RNF128: variants seen among roughly 807,000 people sequenced by gnomAD.
RNF128 encodes E3 ubiquitin-protein ligase RNF128.
In RNF128, 13 loss-of-function variants were observed where a neutral mutation model predicts 26.2. That is an observed-to-expected ratio of 0.50 (90% CI 0.32 to 0.79). RNF128 has a LOEUF of 0.79. Among genes scored for constraint, RNF128 ranks in the 30% least tolerant of loss-of-function variants. The probability of loss-of-function intolerance (pLI) is 0.03; values close to 1 mark genes in which losing one functional copy is unlikely to be tolerated. For synonymous variants in RNF128, 149 were observed against 142.5 expected, an observed-to-expected ratio of 1.05 and a Z score of -0.32; for missense variants, 315 against 349.7, an observed-to-expected ratio of 0.90 and a Z score of 0.79.
intron 1 of RNF128, among the ~76,000 whole-genome samples, chrX:106,698,231 T>C (rs1191018144): frequency 1.8e-5 from 2 of 108,415 alleles, no homozygotes; most frequent in Non-Finnish European, 3.8e-5. Context: ...GTAAAATGTC[T>C]TAAGAAATGC....
chrX:106,767,342 A>G (rs780634322), intron 1 of RNF128, among the ~76,000 whole-genome samples: 6 of 112,187 alleles, frequency 5.3e-5, no homozygotes, highest in Admixed American at 3.8e-4. Flanking sequence ...CTTCCTATCC[A>G]TGAACACGGA....
At chrX:106,737,037 A>G (rs1310718367) in intron 1 of RNF128, among the ~76,000 whole-genome samples, 1 of 111,179 alleles carries the variant, frequency 9.0e-6, no homozygotes, top group Non-Finnish European at 1.9e-5. Flanking sequence ...TTTCTGTGTC[A>G]TGTTGACCAA....
At chrX:106,765,822 TAA>T (rs1569442549) in intron 1 of RNF128, among the ~76,000 whole-genome samples, 12 of 110,950 alleles carry the variant, frequency 1.1e-4, no homozygotes, top group Non-Finnish European at 2.1e-4. Flanking sequence ...ACCCATTAAC[TAA>T]CTCGTCATTT....
intron 1 of RNF128, among the ~76,000 whole-genome samples, chrX:106,737,842 T>G (rs935234690): frequency 7.1e-5 from 8 of 112,107 alleles, no homozygotes; most frequent in Admixed American, 2.9e-4. Context: ...CAGTTCATTT[T>G]GGCAAAAGGG....
At chrX:106,706,248 A>T (rs1929041337) in intron 1 of RNF128, among the ~76,000 whole-genome samples, 1 of 111,666 alleles carries the variant, frequency 9.0e-6, no homozygotes, top group Admixed American at 9.5e-5. Context: ...GTTCTGGCTG[A>T]CAATTGGATT....
At chrX:106,778,618 C>T (rs2147697975) in intron 2 of RNF128, among the ~76,000 whole-genome samples, 1 of 111,737 alleles carries the variant, frequency 8.9e-6, no homozygotes, top group East Asian at 2.8e-4. Context: ...TTGTTGGGGT[C>T]CTCAGTTTCC....
At chrX:106,739,279 C>T (rs1479594349) in intron 1 of RNF128, among the ~76,000 whole-genome samples, 1 of 110,681 alleles carries the variant, frequency 9.0e-6, no homozygotes, top group Non-Finnish European at 1.9e-5. Context: ...CCTGCCTCAG[C>T]CTCCTGAGTA....
Position 106,773,127 on chromosome X carries a change from G to C in RNF128, c.699G>C (p.Arg233Ser). Residue 233 changes from arginine (R) to serine (S), a missense_variant, in exon 2 of 7, where the codon AGG becomes AGC. Physicochemically the swap from Arg to Ser is moderately radical, Grantham distance 110 (BLOSUM62 -1). Coordinates refer to ENST00000255499, the MANE Select transcript of RNF128 (RefSeq NM_194463.2). ...VGYFIFYSAR[R>S]LRNARAQSRK... ...ATTTTATCTTTTATTCTGCTCGAAG[G>C]CTACGGAATGCAAGAGCTCAAAGCA... 8.3e-7 allele frequency: 1 copy of C among 1,210,292 alleles called. No homozygotes were observed. The highest frequency in any genetic ancestry group is 1.1e-6 in the Non-Finnish European group (1 of 894,968).
intron 4 of RNF128, among the ~76,000 whole-genome samples, chrX:106,788,273 G>A (rs1361572399): frequency 1.6e-5 from 1 of 64,072 alleles, no homozygotes; most frequent in Non-Finnish European, 2.8e-5. Flanking sequence ...TGATATATAT[G>A]TATTATATAT....
In RNF128 at chrX:106,713,258, C is replaced by T. The variant is rs112978707; in HGVS notation, c.406+18850C>T. The stretch of plus-strand genomic sequence containing the variant: ...GTGCGGTGGCTCACACCTGTAATCC[C>T]AGCACTTTGGGAAGCCAAGGCGGGT... On this transcript the variant is annotated intron_variant, in intron 1 of 6. Coordinates refer to the RNF128 transcript ENST00000324342. Among the ~76,000 whole-genome samples the T allele has an allele frequency of 9.6e-3, 1,055 of 109,499 alleles. 10 individuals carry two copies. The highest frequency in any genetic ancestry group is 0.095 in the South Asian group (235 of 2,482).
chrX:106,737,055 T>C (rs1168363523), intron 1 of RNF128, among the ~76,000 whole-genome samples: 4 of 111,397 alleles, frequency 3.6e-5, no homozygotes, highest in African/African-American at 1.3e-4. Context: ...CAAAGTTCTG[T>C]CTCACCTTTT....
At chrX:106,735,907 C>T (rs1336425254) in intron 1 of RNF128, among the ~76,000 whole-genome samples, 1 of 110,422 alleles carries the variant, frequency 9.1e-6, no homozygotes, top group Non-Finnish European at 1.9e-5. Flanking sequence ...TTACCCTCCC[C>T]CCAACACACA....
At chrX:106,789,361 T>C (rs1383518126) in intron 4 of RNF128, among the ~76,000 whole-genome samples, 4 of 97,187 alleles carry the variant, frequency 4.1e-5, no homozygotes, top group Non-Finnish European at 8.2e-5. Context: ...ATATTATGTA[T>C]ATATGTATAT....
At chrX:106,730,995 C>T (rs757712330) in intron 1 of RNF128, among the ~76,000 whole-genome samples, 57 of 111,905 alleles carry the variant, frequency 5.1e-4, no homozygotes, top group African/African-American at 1.8e-3. Flanking sequence ...TATTTTACTT[C>T]TCTAAGTCTC....
intron 1 of RNF128, among the ~76,000 whole-genome samples, chrX:106,741,390 G>A (rs770894697): frequency 9.0e-6 from 1 of 111,430 alleles, no homozygotes; most frequent in South Asian, 3.8e-4. Context: ...ATGTGTACCA[G>A]CATCTGAATG....
intron 1 of RNF128, among the ~76,000 whole-genome samples, chrX:106,740,507 A>G (rs764270893): frequency 8.9e-6 from 1 of 112,064 alleles, no homozygotes; most frequent in African/African-American, 3.2e-5. Flanking sequence ...AAACAATTGA[A>G]TAAACAGTGG....
intron 1 of RNF128, among the ~76,000 whole-genome samples, chrX:106,694,951 T>C (rs1047370497): frequency 5.4e-5 from 6 of 111,422 alleles, no homozygotes; most frequent in Non-Finnish European, 1.1e-4. Flanking sequence ...AAACGTGATA[T>C]TACCCATTGA....
chrX:106,717,589 A>C (rs1929240013), intron 1 of RNF128, among the ~76,000 whole-genome samples: 3 of 112,315 alleles, frequency 2.7e-5, no homozygotes, highest in Admixed American at 9.4e-5. Flanking sequence ...CTTTGTAGAC[A>C]GCAGAAGCTC....
At chrX:106,767,122 T>G (rs1187150451) in intron 1 of RNF128, among the ~76,000 whole-genome samples, 8 of 111,953 alleles carry the variant, frequency 7.1e-5, no homozygotes, top group African/African-American at 2.6e-4. Context: ...ACTGTAGCCT[T>G]GTAGTATAGT....
Sources: gnomAD v4.1 joint callset for allele counts (sites outside exome capture counted in the v4.1 genomes callset) on GRCh38, gnomAD v4.1.1 for gene constraint, MANE v1.5 for transcripts, NCBI Gene and HGNC (gene_info 2026-07-23, HGNC 2026-07-21) for gene names.